Variants in NUMA1 observed in about 807,000 individuals in gnomAD.
NUMA1 encodes the protein SP-H antigen.
NUMA1 carries 62 observed loss-of-function variants against 237.1 expected under a neutral mutation model. That is an observed-to-expected ratio of 0.26 (90% CI 0.21 to 0.32). The LOEUF (loss-of-function observed/expected upper bound fraction) is 0.32. Ranked by LOEUF, NUMA1 falls within the 10% of genes least tolerant of loss-of-function variation. The pLI, the probability that NUMA1 is intolerant of heterozygous loss-of-function variation, is 1.00. For missense variants in NUMA1, 2,533 were observed against 2,666.5 expected (o/e 0.95, Z 1.10); for synonymous variants, 1,028 against 1,066.1 (o/e 0.96, Z 0.70).
intron 13 of NUMA1, 165 bp from the exon 14 acceptor site, chr11:72,016,695 G>A: frequency 1.3e-6 from 1 of 770,398 alleles, no homozygotes; most frequent in Non-Finnish European, 2.1e-6. Flanking sequence ...GGGAGCATGA[G>A]GGACCTGATT....
chr11:72,053,974 A>C (rs1442997784), intron 2 of NUMA1, among the ~76,000 whole-genome samples: 1 of 152,216 alleles, frequency 6.6e-6, no homozygotes, highest in Non-Finnish European at 1.5e-5. Flanking sequence ...GTTATATGCT[A>C]ATATTATACC....
At chr11:72,028,728 C>T (rs117895771) in intron 4 of NUMA1, among the ~76,000 whole-genome samples, 347 of 152,314 alleles carry the variant, frequency 2.3e-3, no homozygotes, top group Middle Eastern at 6.8e-3. Flanking sequence ...TAGAAAGAGG[C>T]ATATCTGTAC....
intron 23 of NUMA1, 91 bp from the exon 24 acceptor site, chr11:72,004,907 C>T: frequency 7.8e-7 from 1 of 1,281,516 alleles, no homozygotes; most frequent in African/African-American, 1.5e-5. Flanking sequence ...ACTCGCCCGA[C>T]ACTTATGGTC....
intron 2 of NUMA1, among the ~76,000 whole-genome samples, chr11:72,037,855 T>A (rs137890153): frequency 6.6e-6 from 1 of 152,284 alleles, no homozygotes; most frequent in Non-Finnish European, 1.5e-5. Context: ...CAGTCTTGGA[T>A]AATTATCATC....
chr11:72,016,396 G>A lies in NUMA1; in HGVS notation c.1242+12C>T, dbSNP rs1464362136. 3 of 1,613,174 alleles carry A rather than the reference G, an allele frequency of 1.9e-6. No individual in the cohort carries two copies. The highest frequency in any genetic ancestry group is 2.5e-6 in the Non-Finnish European group (3 of 1,179,760). On this transcript the variant is annotated intron_variant, in intron 14 of 26. Transcript: ENST00000393695. ...CAACCAGCAGCACACAGGTCTTTCTGTGCATTCCTACCTGCAAGACATCAC... is the reference window on the plus strand; with the variant it reads ...CAACCAGCAGCACACAGGTCTTTCTATGCATTCCTACCTGCAAGACATCAC...
rs578169280 is a variant in NUMA1, at chr11:72,013,372, G to C, written c.4131C>G (p.Ala1377=). 1.2e-6 allele frequency: 2 copies of C among 1,610,546 alleles called. No individual in the cohort carries two copies. The highest frequency in any genetic ancestry group is 2.2e-5 in the East Asian group (1 of 44,864). ...CQQLQAEQAA[A]EKRHREELEQ... is the part of the protein sequence containing the mutation. ...CCAGCTCCTCACGGTGGCGTTTCTC[G>C]GCAGCGGCCTGCTCGGCCTGCAGCT... is the stretch of plus-strand genomic sequence containing the variant. The change falls in exon 15 of 27, where the codon GCC becomes GCG. Residue 1377 remains alanine (A), a synonymous_variant. Coordinates refer to ENST00000393695, the MANE Select transcript of NUMA1 (RefSeq NM_006185.4). This position sits in a 1 kb window ranked among gnomAD's most constrained non-coding sequence, Gnocchi z 6.8.
chr11:72,010,931 G>C, intron 16 of NUMA1, 77 bp from the exon 17 acceptor site: 1 of 1,289,292 alleles, frequency 7.8e-7, no homozygotes, highest in Non-Finnish European at 1.1e-6. Context: ...ACCCATCATG[G>C]GGTTTCCCAG....
At chr11:72,007,465 T>G in intron 20 of NUMA1, 30 bp from the exon 21 acceptor site, 1 of 1,610,234 alleles carries the variant, frequency 6.2e-7, no homozygotes, top group Non-Finnish European at 8.5e-7. Flanking sequence ...TGAGGTACAG[T>G]CCTTCACGCT....
At chr11:72,057,554 G>C (rs1942722214) in intron 2 of NUMA1, among the ~76,000 whole-genome samples, 2 of 151,992 alleles carry the variant, frequency 1.3e-5, no homozygotes, top group South Asian at 4.1e-4. Flanking sequence ...GACCAGCCTG[G>C]CCAACATGGT....
chr11:72,061,024 G>A (rs553582590), intron 2 of NUMA1, among the ~76,000 whole-genome samples: 32 of 152,156 alleles, frequency 2.1e-4, no homozygotes, highest in Non-Finnish European at 4.1e-4. Context: ...AGCCGAGATC[G>A]TGCCACTGCA....
At chr11:72,006,345 A>G (rs1955697537) in intron 21 of NUMA1, 82 bp from the exon 22 acceptor site, 1 of 1,165,688 alleles carries the variant, frequency 8.6e-7, no homozygotes, top group Middle Eastern at 2.0e-4. Context: ...AAGCCCTCAG[A>G]TCCCACGGCA....
chr11:72,005,929 AAGG>A, intron 22 of NUMA1, 103 bp downstream of exon 22: 1 of 945,792 alleles, frequency 1.1e-6, no homozygotes, highest in African/African-American at 1.6e-5. Context: ...GGATGGTAGC[AAGG>A]AGGCCAGCCT....
chr11:72,071,911 T>C (rs781019774), intron 1 of NUMA1, among the ~76,000 whole-genome samples: 3 of 152,146 alleles, frequency 2.0e-5, no homozygotes, highest in Non-Finnish European at 2.9e-5. Context: ...TCCTGTATTA[T>C]ATACTTTTTT....
intron 17 of NUMA1, 95 bp from the exon 18 acceptor site, chr11:72,009,482 C>T: frequency 1.4e-6 from 2 of 1,456,718 alleles, no homozygotes; most frequent in Non-Finnish European, 1.8e-6. Flanking sequence ...GTGCTTCAGA[C>T]TCCTGCACTT....
At chr11:72,010,440 G>A (rs538388847) in intron 17 of NUMA1, among the ~76,000 whole-genome samples, 2 of 152,224 alleles carry the variant, frequency 1.3e-5, no homozygotes, top group Non-Finnish European at 2.9e-5. Flanking sequence ...CTGTATCTGC[G>A]CTGTCCAATA....
Position 72,015,982 on chromosome 11 carries a change from G to A in NUMA1, c.1521C>T (p.Leu507=), listed in dbSNP as rs949899843. 3 of 1,613,924 alleles carry A rather than the reference G, an allele frequency of 1.9e-6. No individual in the cohort carries two copies. In the African/African-American group the frequency reaches 4.0e-5, roughly 22 times the overall value. Residue 507 remains leucine, a synonymous_variant, in exon 15 of 27, where the codon CTC becomes CTT. Coordinates refer to ENST00000393695, the MANE Select transcript of NUMA1 (RefSeq NM_006185.4). The surrounding 1 kb of genome is among the most constrained non-coding windows in gnomAD (Gnocchi z 4.0). ...TAQVASLTSE[L]TTLNATIQQQ... Reference sequence around the variant, plus strand: ...GCTGGATGGTGGCATTGAGTGTGGTGAGCTCAGAGGTCAGAGAGGCCACCT... The same window carrying A: ...GCTGGATGGTGGCATTGAGTGTGGTAAGCTCAGAGGTCAGAGAGGCCACCT...
Position 72,036,868 on chromosome 11 carries a change from T to C in NUMA1, c.-32-893A>G, listed in dbSNP as rs115574035. On this transcript the variant is annotated intron_variant, in intron 2 of 26. Transcript: ENST00000393695. ...CAACACCTCCTAGCAACCCTTGCAA[T>C]TTTCACTAATCTCCAGGGGCACAAT... Among the ~76,000 whole-genome samples, 661 of 152,276 alleles carry C rather than the reference T, an allele frequency of 4.3e-3. 2 individuals are homozygous for C. The highest frequency in any genetic ancestry group is 0.015 in the African/African-American group (631 of 41,550).
At chr11:72,004,492 C>T in intron 24 of NUMA1, 148 bp downstream of exon 24, 2 of 1,209,560 alleles carry the variant, frequency 1.7e-6, no homozygotes, top group South Asian at 1.3e-5. Flanking sequence ...CCCTTCCCAA[C>T]AGTTCCCATC....
intron 2 of NUMA1, among the ~76,000 whole-genome samples, chr11:72,043,578 A>AG (rs1647413653): frequency 1.4e-5 from 2 of 138,430 alleles, no homozygotes. Flanking sequence ...TATGTTGCCT[A>AG]GGCACAGCAT....
Sources: allele counts gnomAD v4.1 joint callset (sites outside exome capture counted in the v4.1 genomes callset), GRCh38; gene constraint gnomAD v4.1.1; non-coding constraint Gnocchi (gnomAD v3.1); transcripts MANE v1.5; gene names NCBI Gene and HGNC (gene_info 2026-07-23, HGNC 2026-07-21).